The following GOLGA5 variants were observed in gnomAD, a reference collection of about 807,000 sequenced individuals.
The protein encoded by GOLGA5 is golgin subfamily A member 5.
A neutral mutation model predicts 93.5 loss-of-function variants in GOLGA5; 50 were observed. The observed-to-expected ratio is 0.53, with a 90% CI of 0.43 to 0.68. The LOEUF (loss-of-function observed/expected upper bound fraction) is 0.68. Among genes scored for constraint, GOLGA5 ranks in the 30% least tolerant of loss-of-function variants. GOLGA5 has a pLI of 0.00. For synonymous variants in GOLGA5, 312 were observed against 304.5 expected (o/e 1.02, Z -0.26); for missense variants, 760 against 856.4 (o/e 0.89, Z 1.40).
In GOLGA5 at chr14:92,805,997, AAC is replaced by A. The variant is rs1555404506; in HGVS notation, c.545-738_545-737del. On this transcript the variant is annotated intron_variant, in intron 2 of 12. Transcript: ENST00000163416. ...GTTTGATTAAAAAAAAAAAACAAAAAACCTTGTAGTGACCTGTTATTACTCTT... is the reference window on the plus strand; with the variant it reads ...GTTTGATTAAAAAAAAAAAACAAAAACTTGTAGTGACCTGTTATTACTCTT... Among the ~76,000 whole-genome samples, 160 of 151,594 alleles carry A rather than the reference AAC, an allele frequency of 1.1e-3. 1 individual carries two copies. The highest frequency in any genetic ancestry group is 6.8e-3 in the Middle Eastern group (2 of 294).
At chr14:92,827,917 C>T (rs1001440480) in intron 9 of GOLGA5, among the ~76,000 whole-genome samples, 1 of 152,292 alleles carries the variant, frequency 6.6e-6, no homozygotes, top group East Asian at 1.9e-4. Context: ...CTCTTCAATT[C>T]TGTGAAGGCT....
intron 2 of GOLGA5, among the ~76,000 whole-genome samples, chr14:92,804,341 C>T (rs754171300): frequency 6.6e-6 from 1 of 152,056 alleles, no homozygotes; most frequent in Non-Finnish European, 1.5e-5. Flanking sequence ...GCTGGGATTA[C>T]AGGCGTGAGC....
chr14:92,812,844 C>G (rs1051083586), intron 6 of GOLGA5, among the ~76,000 whole-genome samples: 1 of 152,110 alleles, frequency 6.6e-6, no homozygotes, highest in East Asian at 1.9e-4. Flanking sequence ...CTGTCCTGAA[C>G]CCTCTTTCAT....
intron 9 of GOLGA5, among the ~76,000 whole-genome samples, chr14:92,829,807 A>G (rs1885491406): frequency 6.6e-6 from 1 of 152,224 alleles, no homozygotes; most frequent in African/African-American, 2.4e-5. Flanking sequence ...GCTATCAAAC[A>G]TCATTACATG....
At chr14:92,832,669 C>T (rs1419311280) in intron 9 of GOLGA5, among the ~76,000 whole-genome samples, 2 of 152,194 alleles carry the variant, frequency 1.3e-5, no homozygotes, top group African/African-American at 4.8e-5. Context: ...AGAGTGTGAT[C>T]TTTGCACTGC....
At chr14:92,827,707 T>A (rs1291329556) in intron 9 of GOLGA5, among the ~76,000 whole-genome samples, 1 of 152,220 alleles carries the variant, frequency 6.6e-6, no homozygotes, top group Non-Finnish European at 1.5e-5. Context: ...CTAGGCCTAT[T>A]GGCACCAGTC....
intron 9 of GOLGA5, among the ~76,000 whole-genome samples, chr14:92,826,703 A>G (rs997317449): frequency 6.6e-6 from 1 of 151,960 alleles, no homozygotes; most frequent in South Asian, 2.1e-4. Context: ...ATCTCAAAAA[A>G]AAAAAAAAGA....
intron 4 of GOLGA5, among the ~76,000 whole-genome samples, chr14:92,809,949 A>T (rs1885070637): frequency 6.6e-6 from 1 of 152,094 alleles, no homozygotes; most frequent in Non-Finnish European, 1.5e-5. Context: ...AAAGAGCGAA[A>T]CTCCATCTCA....
chr14:92,814,453 A>G (rs1223193381), intron 6 of GOLGA5, among the ~76,000 whole-genome samples: 1 of 152,142 alleles, frequency 6.6e-6, no homozygotes. Context: ...GGACCTCTCA[A>G]CAGAGAGTTC....
rs138061184 is a variant in GOLGA5, at chr14:92,833,247, G to T, written c.1845G>T (p.Leu615=). 2.5e-6 allele frequency: 4 copies of T among 1,613,586 alleles called. No individual in the cohort carries two copies. In the African/African-American group the frequency reaches 5.3e-5, roughly 22 times the overall value. Residue 615 remains leucine (L), a synonymous_variant, in exon 10 of 13, where the codon CTG becomes CTT. Coordinates refer to ENST00000163416, the MANE Select transcript of GOLGA5 (RefSeq NM_005113.4). ...LESLSTEKNS[L]VFQLERLEQQ... is the part of the protein sequence containing the mutation. Reference sequence around the variant, plus strand: ...GTCTCAGCACAGAAAAGAACTCCCTGGTCTTTCAACTGGAGCGCCTCGAAC... The same window carrying T: ...GTCTCAGCACAGAAAAGAACTCCCTTGTCTTTCAACTGGAGCGCCTCGAAC...
In GOLGA5 at chr14:92,798,842, G is replaced by A. The variant is rs555703560; in HGVS notation, c.544+861G>A. On this transcript the variant is annotated intron_variant, in intron 2 of 12. Coordinates refer to ENST00000163416, the MANE Select transcript of GOLGA5 (RefSeq NM_005113.4). ...GAGGCGGGAGAATTGATTGAGCTCA[G>A]GAGGTCGAGGTTGCAGTGAGCCGAG... 2.6e-5 allele frequency among the ~76,000 whole-genome samples: 4 copies of A among 152,306 alleles called. No homozygotes were observed. The East Asian group carries it at 7.7e-4, about 29-fold the overall frequency.
At chr14:92,831,750 C>A (rs1885536391) in intron 9 of GOLGA5, among the ~76,000 whole-genome samples, 1 of 151,986 alleles carries the variant, frequency 6.6e-6, no homozygotes, top group Non-Finnish European at 1.5e-5. Flanking sequence ...CAATAAAATT[C>A]CATCTGGTAG....
At chr14:92,807,066 G>A (rs866999187) in intron 3 of GOLGA5, 103 bp downstream of exon 3, 11 of 729,040 alleles carry the variant, frequency 1.5e-5, no homozygotes, top group Middle Eastern at 2.6e-4. Context: ...TTGGGAGGCC[G>A]AGGCGGGCGG....
chr14:92,824,763 G>T, intron 9 of GOLGA5, 119 bp downstream of exon 9: 1 of 596,626 alleles, frequency 1.7e-6, no homozygotes, highest in Non-Finnish European at 3.0e-6. Flanking sequence ...TAACAGTGGT[G>T]ACAAAAGTTC....
At chr14:92,799,442 A>ATTT (rs1398774251) in intron 2 of GOLGA5, among the ~76,000 whole-genome samples, 20 of 49,080 alleles carry the variant, frequency 4.1e-4, no homozygotes, top group Admixed American at 2.2e-3. Flanking sequence ...ACGCCTGGCT[A>ATTT]ATTTTTTTTT....
intron 7 of GOLGA5, 132 bp from the exon 8 acceptor site, chr14:92,819,576 T>C (rs1885273467): frequency 3.9e-6 from 3 of 773,258 alleles, no homozygotes; most frequent in Admixed American, 4.7e-5. Context: ...GAGGCTGCCA[T>C]GAACTGTGAT....
At chr14:92,809,898 C>T (rs1005461930) in intron 4 of GOLGA5, among the ~76,000 whole-genome samples, 2 of 152,158 alleles carry the variant, frequency 1.3e-5, no homozygotes, top group Non-Finnish European at 2.9e-5. Context: ...GTGGAGGTTG[C>T]AGTGAGCTGA....
chr14:92,809,792 A>G (rs1885067141), intron 4 of GOLGA5, among the ~76,000 whole-genome samples: 1 of 152,160 alleles, frequency 6.6e-6, no homozygotes, highest in South Asian at 2.1e-4. Flanking sequence ...CGTCTCTACT[A>G]AAAATACAGA....
chr14:92,830,069 A>G (rs1212716080), intron 9 of GOLGA5, among the ~76,000 whole-genome samples: 1 of 152,162 alleles, frequency 6.6e-6, no homozygotes, highest in African/African-American at 2.4e-5. Flanking sequence ...CTGTAAGCCC[A>G]CCACTTTGGG....
Sources: allele counts gnomAD v4.1 joint callset (sites outside exome capture counted in the v4.1 genomes callset), GRCh38; gene constraint gnomAD v4.1.1; transcripts MANE v1.5; gene names NCBI Gene and HGNC (gene_info 2026-07-23, HGNC 2026-07-21).